Variants in HTR3B observed in about 807,000 individuals in gnomAD.
The protein encoded by HTR3B is 5-hydroxytryptamine (serotonin) receptor 3B, ionotropic.
HTR3B carries 44 observed loss-of-function variants against 42.8 expected under a neutral mutation model. That is an observed-to-expected ratio of 1.03 (90% CI 0.81 to 1.32). The LOEUF (loss-of-function observed/expected upper bound fraction) is 1.32, where lower values mean the gene tolerates loss of function less well. Among genes scored for constraint, HTR3B ranks in the 40% most tolerant of loss-of-function variants. The probability of loss-of-function intolerance (pLI) is 0.00; values close to 1 mark genes in which losing one functional copy is unlikely to be tolerated. For synonymous variants in HTR3B, 203 were observed against 209.0 expected (o/e 0.97, Z 0.25); for missense variants, 527 against 536.5 (o/e 0.98, Z 0.17).
intron 2 of HTR3B, among the ~76,000 whole-genome samples, chr11:113,909,977 T>G (rs1170494723): frequency 7.6e-6 from 1 of 131,738 alleles, no homozygotes; most frequent in Non-Finnish European, 1.6e-5. Context: ...GATCCAGACC[T>G]TGTCTCCAAA....
intron 2 of HTR3B, among the ~76,000 whole-genome samples, chr11:113,925,715 A>C (rs773671782): frequency 7.9e-5 from 12 of 152,136 alleles, no homozygotes; most frequent in Admixed American, 2.0e-4. Context: ...TGCAGTTTTT[A>C]GTGATGGATT....
Position 113,928,664 on chromosome 11 carries a change from G to A in HTR3B, c.214-2720G>A, listed in dbSNP as rs564681691. Among the ~76,000 whole-genome samples the A allele has an allele frequency of 5.9e-5, 9 of 152,172 alleles. No individual in the cohort carries two copies. In the East Asian group the frequency reaches 1.2e-3, roughly 20 times the overall value. On this transcript the variant is annotated intron_variant, in intron 2 of 8. Transcript: ENST00000260191. ...CAATTCTCCTGCCTCAGCCTCCCTC[G>A]TAGCTGGGATTACAGGTGTGCGCTA...
chr11:113,930,264 C>A (rs1016506589), intron 2 of HTR3B, among the ~76,000 whole-genome samples: 10 of 151,982 alleles, frequency 6.6e-5, no homozygotes, highest in Admixed American at 6.6e-4. Flanking sequence ...GAAACCATTG[C>A]CTAATTCAAA....
rs553387225 is a variant in HTR3B at position 113,948,767 on chromosome 11, G to A, written c.*2630G>A. ...AATCCCACCTACTCGGGGGGCTGAG[G>A]CAGGAGAATCGCTTGAACCCAGGAG... On this transcript the variant is annotated 3_prime_UTR_variant, in exon 9 of 9. Coordinates refer to ENST00000260191, the MANE Select transcript of HTR3B (RefSeq NM_006028.5). Among the ~76,000 whole-genome samples the A allele has an allele frequency of 2.0e-4, 31 of 152,144 alleles. No individual in the cohort carries two copies. In the East Asian group the frequency reaches 3.5e-3, roughly 17 times the overall value.
chr11:113,926,468 T>TTTCTTTTCCTTTCCTTTCCTTTCC (rs1949973855), intron 2 of HTR3B, among the ~76,000 whole-genome samples: 1 of 80,312 alleles, frequency 1.2e-5, no homozygotes, highest in African/African-American at 5.2e-5. Context: ...CTTTCCTTTC[T>TTTCTTTTCCTTTCCTTTCCTTTCC]TTTCCTTTCC....
chr11:113,921,484 G>A (rs1266097943), intron 2 of HTR3B, among the ~76,000 whole-genome samples: 7 of 145,134 alleles, frequency 4.8e-5, no homozygotes, highest in South Asian at 2.3e-4. Flanking sequence ...CTGGCCGGGC[G>A]TGGTGGTGGG....
Position 113,946,003 on chromosome 11 carries a change from A to G in HTR3B, c.1192A>G (p.Thr398Ala). Residue 398 changes from threonine to alanine, a missense_variant, in exon 9 of 9, where the codon ACA (threonine) becomes GCA (alanine). Coordinates refer to ENST00000260191, the MANE Select transcript of HTR3B (RefSeq NM_006028.5). The stretch of plus-strand genomic sequence containing the variant: ...CAACTACCTCCAAACTCAGGACCAG[A>G]CAGACCAACAGGAGGCAGAGTGGCT... ...ISNYLQTQDQTDQQEAEWLVL... is the reference protein window; with the variant it reads ...ISNYLQTQDQADQQEAEWLVL... 8 of 1,614,040 alleles carry G rather than the reference A, an allele frequency of 5.0e-6. No homozygotes were observed. The highest frequency in any genetic ancestry group is 6.8e-6 in the Non-Finnish European group (8 of 1,179,976).
At chr11:113,938,122 C>T (rs1460127800) in intron 6 of HTR3B, among the ~76,000 whole-genome samples, 1 of 152,136 alleles carries the variant, frequency 6.6e-6, no homozygotes, top group African/African-American at 2.4e-5. Context: ...TAAGGGCCCA[C>T]TCTACTCCAG....
rs534501970 is a variant in HTR3B at position 113,923,941 on chromosome 11, G to A, written c.214-7443G>A. 3.9e-5 allele frequency among the ~76,000 whole-genome samples: 6 copies of A among 152,310 alleles called. No homozygotes were observed. In the East Asian group the frequency reaches 1.2e-3, roughly 29 times the overall value. On this transcript the variant is annotated intron_variant, in intron 2 of 8. Transcript: ENST00000260191. ...TCTTAACATCATTGTTATATGTAAT[G>A]TGGCAAAGCAATGGGCAAGAAGAGA...
At chr11:113,932,602 C>T (rs1950047364) in intron 5 of HTR3B, 144 bp downstream of exon 5, 2 of 747,346 alleles carry the variant, frequency 2.7e-6, no homozygotes, top group Non-Finnish European at 4.3e-6. Context: ...TTGGCTCCTG[C>T]TGTAATCCAG....
intron 4 of HTR3B, 58 bp from the exon 5 acceptor site, chr11:113,932,231 T>A: frequency 1.4e-6 from 2 of 1,398,476 alleles, no homozygotes; most frequent in Non-Finnish European, 2.0e-6. Context: ...AATCAGCCTA[T>A]GTTTTGAAAT....
upstream of HTR3B, among the ~76,000 whole-genome samples, chr11:113,900,713 G>T (rs565359475): frequency 6.6e-5 from 10 of 152,002 alleles, no homozygotes; most frequent in Non-Finnish European, 1.3e-4. Context: ...GGCTGGTCTC[G>T]AACTCCTGAC....
intron 2 of HTR3B, among the ~76,000 whole-genome samples, chr11:113,926,637 C>G (rs1181210953): frequency 5.3e-5 from 8 of 151,810 alleles, no homozygotes; most frequent in Non-Finnish European, 1.0e-4. Flanking sequence ...CAAGTGATCT[C>G]GTGCCTCAGC....
Position 113,946,340 on chromosome 11 carries a change from GTAAATAAATAAA to G in HTR3B, c.*234_*245del, listed in dbSNP as rs58093170. On this transcript the variant is annotated 3_prime_UTR_variant, in exon 9 of 9. Transcript: ENST00000260191. ...ACATAGTGAGACCACATCTCTACCA[GTAAATAAATAAA>G]TAAATAAATAAATAAATAAATAAAT... The G allele has an allele frequency of 0.3, 69,897 of 235,754 alleles. 16,274 individuals carry two copies. The highest frequency in any genetic ancestry group is 0.62 in the South Asian group (8,107 of 13,032). 14.6% of individuals were successfully genotyped at this position (235,754 alleles called of 1,614,324 possible).
chr11:113,944,544 C>T, intron 7 of HTR3B, 29 bp from the exon 8 acceptor site: 1 of 1,603,770 alleles, frequency 6.2e-7, no homozygotes, highest in Non-Finnish European at 8.5e-7. Context: ...AGACTGGAGG[C>T]TAACTGCACC....
At chr11:113,933,569 G>A (rs1412059104) in intron 6 of HTR3B, among the ~76,000 whole-genome samples, 1 of 152,040 alleles carries the variant, frequency 6.6e-6, no homozygotes, top group Non-Finnish European at 1.5e-5. Flanking sequence ...TATCTTAAGG[G>A]ATTAGCCAAT....
intron 2 of HTR3B, among the ~76,000 whole-genome samples, chr11:113,930,261 T>C (rs1950020178): frequency 6.6e-6 from 1 of 152,154 alleles, no homozygotes; most frequent in African/African-American, 2.4e-5. Context: ...TAAGAAACCA[T>C]TGCCTAATTC....
chr11:113,905,851 G>T (rs1053885237), intron 1 of HTR3B, among the ~76,000 whole-genome samples: 6 of 152,088 alleles, frequency 3.9e-5, no homozygotes, highest in Non-Finnish European at 8.8e-5. Context: ...AGCTGGAAAT[G>T]ATTTTTTTAT....
chr11:113,906,084 A>G (rs1473126016), intron 1 of HTR3B, among the ~76,000 whole-genome samples: 4 of 152,062 alleles, frequency 2.6e-5, no homozygotes, highest in African/African-American at 9.7e-5. Flanking sequence ...ATATCTCTCT[A>G]ATGTTTTGTA....
Sources: gnomAD v4.1 joint callset for allele counts (sites outside exome capture counted in the v4.1 genomes callset) on GRCh38, gnomAD v4.1.1 for gene constraint, MANE v1.5 for transcripts, NCBI Gene and HGNC (gene_info 2026-07-23, HGNC 2026-07-21) for gene names.